ID4: variants seen among roughly 807,000 people sequenced by gnomAD.
ID4 encodes the protein DNA-binding protein inhibitor ID-4.
Under a neutral mutation model 8.6 loss-of-function variants are expected in ID4, and 9 were observed. The ratio of observed to expected loss-of-function variants is 1.04; its 90% CI spans 0.63 to 1.82. ID4 has a LOEUF of 1.82. Among genes scored for constraint, ID4 ranks in the 40% most tolerant of loss-of-function variants. The pLI is 0.00. For synonymous variants in ID4, 180 were observed against 118.0 expected (o/e 1.53, Z -3.41); for missense variants, 270 against 235.1 (o/e 1.15, Z -0.97).
rs372252236 is a variant in ID4 at position 19,838,569 on chromosome 6, C to T, written c.442-15C>T. 43 of 1,613,858 alleles carry T rather than the reference C, an allele frequency of 2.7e-5. No individual in the cohort carries two copies. Among genetic ancestry groups the T allele is most frequent in the Middle Eastern group, 3.3e-4 (2 of 6,084 alleles). On this transcript the variant is annotated splice_polypyrimidine_tract_variant and intron_variant, in intron 1 of 2. Transcript: ENST00000378700. ...GCCTGCTAACCTTTCCCTTGGTGTT[C>T]GGTTGCTGTTCCAGGCCGGCGCGGT...
Position 19,838,167 on chromosome 6 carries a change from C to A in ID4, c.413C>A (p.Thr138Asn). Residue 138 changes from threonine to asparagine, a missense_variant, in exon 1 of 3, where the codon ACC becomes AAC. Transcript: ENST00000378700. ...AGTCPAAPPRTPLTALNTDPA... is the reference protein window; with the variant it reads ...AGTCPAAPPRNPLTALNTDPA... ...ACCTGTCCAGCCGCGCCGCCGCGGA[C>A]CCCGCTCACTGCGCTCAACACCGAC... is the stretch of plus-strand genomic sequence containing the variant. 6.7e-7 allele frequency: 1 copy of A among 1,502,598 alleles called. No homozygotes were observed. The highest frequency in any genetic ancestry group is 8.9e-7 in the Non-Finnish European group (1 of 1,125,324). The allele number at this position is 1,502,598 out of a possible 1,614,324, so 93.1% of individuals were successfully genotyped here.
rs763581402 is a variant in ID4 at position 19,837,890 on chromosome 6, G to A, written c.136G>A (p.Ala46Thr). ...GGSAAAAAAA[A>T]AARCKAAEAA... ...CTCCGCAGCCGCGGCGGCGGCGGCG[G>A]CGGCAGCGCGCTGTAAGGCGGCCGA... The change falls in exon 1 of 3, where the codon GCG becomes ACG. Residue 46 changes from alanine (A) to threonine (T), a missense_variant. Physicochemically the swap from Ala to Thr is moderately conservative, Grantham distance 58. Coordinates refer to ENST00000378700, the MANE Select transcript of ID4 (RefSeq NM_001546.4). 27 of 1,313,372 alleles carry A rather than the reference G, an allele frequency of 2.1e-5. No homozygotes were observed. Among genetic ancestry groups the A allele is most frequent in the Non-Finnish European group, 2.5e-5 (26 of 1,032,098 alleles). 81.4% of individuals were successfully genotyped at this position (1,313,372 alleles called of 1,614,324 possible).
chr6:19,838,025 G>T lies in ID4; in HGVS notation c.271G>T (p.Val91Leu). The change falls in exon 1 of 3, where the codon GTG becomes TTG. Residue 91 changes from valine (V) to leucine (L), a missense_variant. Coordinates refer to ENST00000378700, the MANE Select transcript of ID4 (RefSeq NM_001546.4). ...TIPPNKKVSK[V>L]EILQHVIDYI... is the part of the protein sequence containing the mutation. The stretch of plus-strand genomic sequence containing the variant: ...CCCGCCCAACAAGAAAGTCAGCAAA[G>T]TGGAGATCCTGCAGCACGTTATCGA... 6.2e-7 allele frequency: 1 copy of T among 1,605,998 alleles called. No homozygotes were observed. Among genetic ancestry groups the T allele is most frequent in the Non-Finnish European group, 8.5e-7 (1 of 1,175,968 alleles).
rs925140359 is a variant in ID4, at chr6:19,841,205, ATGT to A, written c.*2013_*2015del. On this transcript the variant is annotated 3_prime_UTR_variant, in exon 3 of 3. Transcript: ENST00000378700. ...TGGTCTTGAGTATTTTGAGAATTTG[ATGT>A]TGAACGTTATAAAGTCAAAGAACTG... 6.6e-6 allele frequency among the ~76,000 whole-genome samples: 1 copy of A among 152,182 alleles called. No homozygotes were observed. The highest frequency in any genetic ancestry group is 1.5e-5 in the Non-Finnish European group (1 of 68,002).
Position 19,840,942 on chromosome 6 carries a change from G to A in ID4, c.*1747G>A, listed in dbSNP as rs1761348983. Among the ~76,000 whole-genome samples, 1 of 152,132 alleles carries A rather than the reference G, an allele frequency of 6.6e-6. No homozygotes were observed. The highest frequency in any genetic ancestry group is 2.4e-5 in the African/African-American group (1 of 41,430). On this transcript the variant is annotated 3_prime_UTR_variant, in exon 3 of 3. Transcript: ENST00000378700. ...ACGTGGTCTGTTTGATTTTTAAAAG[G>A]AAAGGATTTGTTTCAGATTATACAA...
rs767834268 is a variant in ID4, at chr6:19,838,649, G to A, written c.*14+7G>A. ...GCTGAGCCGCGCTGTCCAGGTGAGC[G>A]CGCATTTCCCGTCTCGGGTGGCCGG... On this transcript the variant is annotated splice_region_variant and intron_variant, in intron 2 of 2. Transcript: ENST00000378700. The A allele has an allele frequency of 1.3e-5, 21 of 1,612,888 alleles. No homozygotes were observed. In the South Asian group the frequency reaches 2.1e-4, roughly 16 times the overall value.
rs151297875 is a variant in ID4 at position 19,837,964 on chromosome 6, C to G, written c.210C>G (p.Asp70Glu). ...PALCLQCDMN[D>E]CYSRLRRLVP... Reference sequence around the variant, plus strand: ...TGTGCCTGCAGTGCGATATGAACGACTGCTATAGCCGCCTGCGGAGGCTGG... The same window carrying G: ...TGTGCCTGCAGTGCGATATGAACGAGTGCTATAGCCGCCTGCGGAGGCTGG... Residue 70 changes from aspartate (D) to glutamate (E), a missense_variant, in exon 1 of 3, where the codon GAC becomes GAG. Physicochemically the swap from Asp to Glu is conservative, Grantham distance 45 (BLOSUM62 2). Coordinates refer to ENST00000378700, the MANE Select transcript of ID4 (RefSeq NM_001546.4). The G allele has an allele frequency of 1.0e-5, 16 of 1,569,974 alleles. No individual in the cohort carries two copies. The highest frequency in any genetic ancestry group is 1.2e-5 in the Non-Finnish European group (14 of 1,158,766).
At chr6:19,838,322 C>T (rs978289122) in intron 1 of ID4, 127 bp downstream of exon 1, 8 of 1,048,588 alleles carry the variant, frequency 7.6e-6, no homozygotes, top group Non-Finnish European at 1.0e-5. Flanking sequence ...CCCCCTCCCC[C>T]TGCTCCTCCG....
At chr6:19,838,966 C>T (rs1473717873) in intron 2 of ID4, 2 of 379,182 alleles carry the variant, frequency 5.3e-6, no homozygotes, top group African/African-American at 2.1e-5. Flanking sequence ...CCCCGGTGTC[C>T]TCCCGTGCAG....
intron 1 of ID4, 106 bp from the exon 2 acceptor site, chr6:19,838,478 G>C (rs868670789): frequency 1.4e-6 from 2 of 1,463,038 alleles, no homozygotes; most frequent in South Asian, 2.3e-5. Context: ...AGGCTGGGGT[G>C]GGGGCGTCGG....
chr6:19,840,655 GA>G lies in ID4; in HGVS notation c.*1462del, dbSNP rs1561854951. On this transcript the variant is annotated 3_prime_UTR_variant, in exon 3 of 3. Coordinates refer to ENST00000378700, the MANE Select transcript of ID4 (RefSeq NM_001546.4). ...CTTGTGATGTGTAACTTTTACATGT[GA>G]ATATTAAAGTAGATTTCTCTGTCTT... is the stretch of plus-strand genomic sequence containing the variant. 1 of 152,440 alleles carries G rather than the reference GA, an allele frequency of 6.6e-6. No individual in the cohort carries two copies. Among genetic ancestry groups the G allele is most frequent in the Non-Finnish European group, 1.5e-5 (1 of 68,004 alleles). 9.4% of individuals were successfully genotyped at this position (152,440 alleles called of 1,614,324 possible).
At position 19,838,986 on chromosome 6, in the gene ID4, C is replaced by G. The variant is rs1255044019; in HGVS notation, c.*15-224C>G. ...GTGTCCTCCCGTGCAGTCTGTCACCCACAAAGGGGGACGCGGGCAGGGCGC... is the reference window on the plus strand; with the variant it reads ...GTGTCCTCCCGTGCAGTCTGTCACCGACAAAGGGGGACGCGGGCAGGGCGC... On this transcript the variant is annotated intron_variant, in intron 2 of 2. Transcript: ENST00000378700. The G allele has an allele frequency of 1.0e-4, 28 of 279,362 alleles. No individual in the cohort carries two copies. The East Asian group carries it at 2.2e-3, about 22-fold the overall frequency. 17.3% of individuals were successfully genotyped at this position (279,362 alleles called of 1,614,324 possible).
chr6:19,837,769 C>G lies in ID4; in HGVS notation c.15C>G (p.Ser5Arg). The G allele has an allele frequency of 1.8e-6, 2 of 1,126,254 alleles. No homozygotes were observed. The highest frequency in any genetic ancestry group is 2.2e-6 in the Non-Finnish European group (2 of 921,016). 69.8% of individuals were successfully genotyped at this position (1,126,254 alleles called of 1,614,324 possible). ...GGGCGCGCGCGATGAAGGCGGTGAG[C>G]CCGGTGCGCCCCTCGGGCCGCAAGG... MKAV[S>R]PVRPSGRKAP... The change falls in exon 1 of 3, where the codon AGC (serine) becomes AGG (arginine). Residue 5 changes from serine (S) to arginine (R), a missense_variant. By Grantham distance (110) the Ser-to-Arg change is moderately radical. Around this residue, in one of 3 missense-constraint regions of ID4, gnomAD observed 160 missense variants for 131.5 expected, o/e 1.22. Transcript: ENST00000378700.
rs1246442012 is a variant in ID4 at position 19,838,045 on chromosome 6, T to C, written c.291T>C (p.Val97=). ...KVSKVEILQH[V]IDYILDLQLA... is the part of the protein sequence containing the mutation. ...GCAAAGTGGAGATCCTGCAGCACGT[T>C]ATCGACTACATCCTGGACCTGCAGC... Residue 97 remains valine (V), a synonymous_variant, in exon 1 of 3, where the codon GTT becomes GTC. Transcript: ENST00000378700. 10 of 1,607,434 alleles carry C rather than the reference T, an allele frequency of 6.2e-6. No homozygotes were observed. The highest frequency in any genetic ancestry group is 4.4e-5 in the South Asian group (4 of 90,406).
In ID4 at chr6:19,839,305, A is replaced by T. The variant is rs1761307028; in HGVS notation, c.*110A>T. The stretch of plus-strand genomic sequence containing the variant: ...AAGCCACCGGAGGAAAGGAAAAAAC[A>T]TCGGCCAACCTAGAAACGTTTTCAT... On this transcript the variant is annotated 3_prime_UTR_variant, in exon 3 of 3. Coordinates refer to ENST00000378700, the MANE Select transcript of ID4 (RefSeq NM_001546.4). 1 of 152,752 alleles carries T rather than the reference A, an allele frequency of 6.5e-6. No individual in the cohort carries two copies. The highest frequency in any genetic ancestry group is 1.5e-5 in the Non-Finnish European group (1 of 68,126). The allele number at this position is 152,752 out of a possible 1,614,324, so 9.5% of individuals were successfully genotyped here.
chr6:19,838,867 C>T (rs1342652219), intron 2 of ID4: 3 of 560,364 alleles, frequency 5.4e-6, no homozygotes, highest in South Asian at 2.1e-5. Context: ...CCCTTGTCCC[C>T]GCCGTCCCCG....
chr6:19,841,950 AGT>A lies in ID4; in HGVS notation c.*2756_*2757del, dbSNP rs942154536. ...GGTTTAAAACTCCAGAAGGAAAAAA[AGT>A]ATCCCACACAGTGGATGTTGTTTCT... On this transcript the variant is annotated 3_prime_UTR_variant, in exon 3 of 3. Coordinates refer to ENST00000378700, the MANE Select transcript of ID4 (RefSeq NM_001546.4). Among the ~76,000 whole-genome samples the A allele has an allele frequency of 1.4e-3, 219 of 152,358 alleles. No homozygotes were observed. The highest frequency in any genetic ancestry group is 1.8e-4 in the Non-Finnish European group (12 of 68,018).
Position 19,837,818 on chromosome 6 carries a change from G to T in ID4, c.64G>T (p.Glu22Ter). 8.8e-7 allele frequency: 1 copy of T among 1,142,246 alleles called. No homozygotes were observed. The highest frequency in any genetic ancestry group is 1.1e-6 in the Non-Finnish European group (1 of 931,116). 70.8% of individuals were successfully genotyped at this position (1,142,246 alleles called of 1,614,324 possible). A position where few individuals can be genotyped will look rare whatever the true frequency, so the allele number is the denominator to read the frequency against. The change falls in exon 1 of 3, where the codon GAG becomes TAG. Residue 22 changes from glutamate (E) to a stop codon, truncating the protein, a stop_gained. Coordinates refer to ENST00000378700, the MANE Select transcript of ID4 (RefSeq NM_001546.4). LOFTEE classifies it high-confidence loss of function. ...GGCGCCGTCGGGCTGCGGCGGCGGG[G>T]AGCTGGCGCTGCGCTGCCTGGCCGA... The part of the protein sequence containing the change: ...RKAPSGCGGG[E>*]LALRCLAEHG...
chr6:19,838,538 GT>G, intron 1 of ID4, 45 bp from the exon 2 acceptor site: 1 of 1,613,660 alleles, frequency 6.2e-7, no homozygotes, highest in Non-Finnish European at 8.5e-7. Context: ...CGAGCGCGTT[GT>G]TTGCGCCTGC....
Sources: allele counts gnomAD v4.1 joint callset (sites outside exome capture counted in the v4.1 genomes callset), GRCh38; gene constraint gnomAD v4.1.1; regional missense constraint gnomAD v4.1.1; transcripts MANE v1.5; gene names NCBI Gene and HGNC (gene_info 2026-07-23, HGNC 2026-07-21).